The following STOX2 variants were observed in gnomAD, a reference collection of about 807,000 sequenced individuals.
STOX2 encodes the protein storkhead-box protein 2.
STOX2 carries 28 observed loss-of-function variants against 60.9 expected under a neutral mutation model. That is an observed-to-expected ratio of 0.46 (90% CI 0.34 to 0.63). The LOEUF is 0.63. Ranked by LOEUF, STOX2 falls within the 30% of genes least tolerant of loss-of-function variation. STOX2 has a pLI of 0.01. For synonymous variants in STOX2, 472 were observed against 463.9 expected (o/e 1.02, Z -0.22); for missense variants, 1,024 against 1,187.7 (o/e 0.86, Z 2.03).
chr4:183,893,872 G>A (rs965114238), intron 1 of STOX2, among the ~76,000 whole-genome samples: 3 of 152,210 alleles, frequency 2.0e-5, no homozygotes, highest in African/African-American at 7.2e-5. Context: ...GTAATTAGTA[G>A]CATCCTTCTT....
chr4:183,857,529 G>A (rs73012636), intron 1 of STOX2, among the ~76,000 whole-genome samples: 4,906 of 152,244 alleles, frequency 0.032, 246 homozygotes, highest in African/African-American at 0.11. Flanking sequence ...CCGAATTTGA[G>A]GTTCTGCCCG....
chr4:184,013,586 A>C (rs1444860576), intron 3 of STOX2, among the ~76,000 whole-genome samples: 1 of 152,236 alleles, frequency 6.6e-6, no homozygotes, highest in Non-Finnish European at 1.5e-5. Context: ...TTTCATATTT[A>C]CTACCCTTCG....
intron 1 of STOX2, among the ~76,000 whole-genome samples, chr4:183,941,694 G>A (rs532003702): frequency 5.9e-5 from 9 of 152,218 alleles, no homozygotes; most frequent in African/African-American, 2.2e-4. Flanking sequence ...TACTTAACAC[G>A]TGCCTGGCAC....
Position 184,019,497 on chromosome 4 carries a change from C to G in STOX2, c.*2213C>G, listed in dbSNP as rs1470067915. The G allele has an allele frequency of 6.6e-6, 1 of 152,180 alleles. No homozygotes were observed. The highest frequency in any genetic ancestry group is 1.5e-5 in the Non-Finnish European group (1 of 68,038). The allele number at this position is 152,180 out of a possible 1,614,324, so 9.4% of individuals were successfully genotyped here. On this transcript the variant is annotated 3_prime_UTR_variant, in exon 4 of 4. Coordinates refer to ENST00000308497, the MANE Select transcript of STOX2 (RefSeq NM_020225.3). ...AACAACACATCAGCCTCTAGCTGAT[C>G]CTCTGAAAGTAGCCATTGAAATAAT...
chr4:183,901,158 G>A (rs148141215), upstream of STOX2, among the ~76,000 whole-genome samples: 1,277 of 152,220 alleles, frequency 8.4e-3, 4 homozygotes, highest in Admixed American at 0.015. Context: ...GTGGAATTAT[G>A]CATTATTTTT....
intron 1 of STOX2, among the ~76,000 whole-genome samples, chr4:183,941,617 G>T (rs1210706096): frequency 6.6e-6 from 1 of 152,116 alleles, no homozygotes; most frequent in Non-Finnish European, 1.5e-5. Flanking sequence ...GGTGGGGGTT[G>T]TATACCTAAT....
chr4:183,850,088 C>A (rs1740079582), intron 1 of STOX2, among the ~76,000 whole-genome samples: 1 of 152,050 alleles, frequency 6.6e-6, no homozygotes, highest in Non-Finnish European at 1.5e-5. Context: ...CTCAGCCTCA[C>A]AAGTAATTGG....
chr4:184,010,641 C>G lies in STOX2; in HGVS notation c.1803C>G (p.Phe601Leu), dbSNP rs749919720. ...CAAAAACAGCCACAGATGACTATTT[C>G]CAGTGCAACACCTCTAGTGAGACGG... ...CPTKTATDDY[F>L]QCNTSSETVL... The change falls in exon 3 of 4, where the codon TTC (phenylalanine) becomes TTG (leucine). Residue 601 changes from phenylalanine (F) to leucine (L), a missense_variant. Coordinates refer to ENST00000308497, the MANE Select transcript of STOX2 (RefSeq NM_020225.3). The surrounding 1 kb of genome is among the most constrained non-coding windows in gnomAD (Gnocchi z 4.5). The G allele has an allele frequency of 6.2e-7, 1 of 1,614,052 alleles. No individual in the cohort carries two copies. The highest frequency in any genetic ancestry group is 1.1e-5 in the South Asian group (1 of 91,082).
At chr4:183,832,603 G>A (rs1348728524) in intron 1 of STOX2, among the ~76,000 whole-genome samples, 1 of 147,690 alleles carries the variant, frequency 6.8e-6, no homozygotes, top group African/African-American at 2.5e-5. Context: ...CGATTCTCCT[G>A]CCTCAGCCTC....
intron 1 of STOX2, among the ~76,000 whole-genome samples, chr4:183,913,239 C>T (rs571585390): frequency 6.6e-6 from 1 of 152,158 alleles, no homozygotes; most frequent in African/African-American, 2.4e-5. Context: ...TACTGTAACT[C>T]TGGGATGTAA....
chr4:183,852,565 G>C lies in STOX2; in HGVS notation c.364+54510G>C, dbSNP rs564204973. ...AGGATGAGGGAAAGGATGAGAGAAA[G>C]GATGAGGGAAAGGATGATGCTGCCT... On this transcript the variant is annotated intron_variant, in intron 1 of 2. Transcript: ENST00000513034. Among the ~76,000 whole-genome samples, 29 of 149,822 alleles carry C rather than the reference G, an allele frequency of 1.9e-4. 1 individual carries two copies. Among genetic ancestry groups the C allele is most frequent in the Middle Eastern group, 6.9e-3 (2 of 288 alleles).
chr4:183,828,235 C>A (rs756881179), intron 1 of STOX2, among the ~76,000 whole-genome samples: 1 of 152,132 alleles, frequency 6.6e-6, no homozygotes, highest in Non-Finnish European at 1.5e-5. Flanking sequence ...GCTGTGATGA[C>A]AGGGTGGACT....
At chr4:183,875,582 A>G (rs1740811151) in intron 1 of STOX2, among the ~76,000 whole-genome samples, 1 of 152,224 alleles carries the variant, frequency 6.6e-6, no homozygotes, top group African/African-American at 2.4e-5. Flanking sequence ...TTCATGCAGC[A>G]GTAGCTGGTG....
chr4:183,823,732 G>A lies in STOX2; in HGVS notation c.364+25677G>A, dbSNP rs532033550. On this transcript the variant is annotated intron_variant, in intron 1 of 2. Coordinates refer to the STOX2 transcript ENST00000513034. ...CAGCCCATCTGGCGGAGGCTGCCGC[G>A]GGTTTGAAAACTTACCTGATGAGCA... 7.9e-5 allele frequency among the ~76,000 whole-genome samples: 12 copies of A among 152,304 alleles called. No homozygotes were observed. In the East Asian group the frequency reaches 1.2e-3, roughly 15 times the overall value.
chr4:183,866,891 C>T (rs1740579992), intron 1 of STOX2, among the ~76,000 whole-genome samples: 1 of 152,020 alleles, frequency 6.6e-6, no homozygotes, highest in Admixed American at 6.6e-5. Context: ...AACAGACAAA[C>T]AAACAAACAA....
chr4:183,914,673 T>G (rs1331574739), intron 1 of STOX2, among the ~76,000 whole-genome samples: 1 of 152,158 alleles, frequency 6.6e-6, no homozygotes, highest in East Asian at 1.9e-4. Context: ...TGGCTTTCTG[T>G]GCTTTCTGTT....
chr4:183,886,295 C>T (rs10027374), intron 1 of STOX2, among the ~76,000 whole-genome samples: 16,571 of 41,692 alleles, frequency 0.4, 2,676 homozygotes, highest in African/African-American at 0.49. Flanking sequence ...CAGATGGTTG[C>T]TGGATGGTGT....
At chr4:183,996,422 T>C (rs537749555) in intron 1 of STOX2, among the ~76,000 whole-genome samples, 12 of 152,360 alleles carry the variant, frequency 7.9e-5, no homozygotes, top group African/African-American at 2.9e-4. Context: ...ATAATCCACA[T>C]TTCATGCAAA....
chr4:183,989,938 A>G (rs754248079), intron 1 of STOX2, among the ~76,000 whole-genome samples: 32 of 152,204 alleles, frequency 2.1e-4, no homozygotes, highest in Non-Finnish European at 7.3e-5. Flanking sequence ...GTAATAGGTA[A>G]GAATTTTTAG....
Sources: allele counts gnomAD v4.1 joint callset (sites outside exome capture counted in the v4.1 genomes callset), GRCh38; gene constraint gnomAD v4.1.1; non-coding constraint Gnocchi (gnomAD v3.1); transcripts MANE v1.5; gene names NCBI Gene and HGNC (gene_info 2026-07-23, HGNC 2026-07-21).